Variants in CFAP53 observed in about 807,000 individuals in gnomAD.
CFAP53 encodes the protein cilia- and flagella-associated protein 53.
In CFAP53, 62 loss-of-function variants were observed where a neutral mutation model predicts 59.7. The observed-to-expected ratio is 1.04, with a 90% confidence interval of 0.85 to 1.28. CFAP53 has a LOEUF of 1.28. Among genes scored for constraint, CFAP53 ranks in the 50% most tolerant of loss-of-function variants. The pLI is 0.00. For synonymous variants in CFAP53, 218 were observed against 205.7 expected, an observed-to-expected ratio of 1.06 and a Z score of -0.51; for missense variants, 629 against 615.6, an observed-to-expected ratio of 1.02 and a Z score of -0.23.
At chr18:50,265,273 G>A (rs2033935781) in intron 1 of CFAP53, among the ~76,000 whole-genome samples, 1 of 151,988 alleles carries the variant, frequency 6.6e-6, no homozygotes, top group African/African-American at 2.4e-5. Flanking sequence ...TCATGTAAGG[G>A]GTCACAGTCA....
In CFAP53 at chr18:50,258,639, A is replaced by C. The variant is rs531717014; in HGVS notation, c.473+2425T>G. 4.6e-5 allele frequency among the ~76,000 whole-genome samples: 7 copies of C among 152,360 alleles called. 1 individual carries two copies. The South Asian group carries it at 1.4e-3, about 32-fold the overall frequency. ...AAGTTAAAAAGCTTCTGCACAGCAA[A>C]AGATACAATCAACAAAGTGAAGAGA... On this transcript the variant is annotated intron_variant, in intron 3 of 7. Transcript: ENST00000398545.
At chr18:50,252,110 CTTTT>C (rs11316755) in intron 3 of CFAP53, among the ~76,000 whole-genome samples, 4 of 148,394 alleles carry the variant, frequency 2.7e-5, no homozygotes, top group Non-Finnish European at 4.5e-5. Context: ...TACTTTTTTT[CTTTT>C]TTTTTTTGAG....
intron 5 of CFAP53, among the ~76,000 whole-genome samples, chr18:50,244,079 T>G (rs1017305153): frequency 6.6e-6 from 1 of 152,222 alleles, no homozygotes; most frequent in Non-Finnish European, 1.5e-5. Flanking sequence ...GACCTGCTGT[T>G]TATTTAGCGC....
chr18:50,250,917 C>G lies in CFAP53; in HGVS notation c.837G>C (p.Lys279Asn). 6.2e-7 allele frequency: 1 copy of G among 1,614,172 alleles called. No homozygotes were observed. The highest frequency in any genetic ancestry group is 1.1e-5 in the South Asian group (1 of 91,080). The change falls in exon 5 of 8, where the codon AAG becomes AAC. Residue 279 changes from lysine (K) to asparagine (N), a missense_variant. Coordinates refer to ENST00000398545, the MANE Select transcript of CFAP53 (RefSeq NM_145020.5). ...AAATGGTCCTAGTTTCCTGCTTTGC[C>G]TTCTGTTTCTTTAGCATATCCTGTT... Reference protein sequence around the residue: ...ENEQDMLKKQKAKQETRTILQ... With the variant: ...ENEQDMLKKQNAKQETRTILQ...
intron 5 of CFAP53, among the ~76,000 whole-genome samples, chr18:50,248,456 T>C (rs925813761): frequency 1.3e-5 from 2 of 152,156 alleles, no homozygotes; most frequent in African/African-American, 2.4e-5. Context: ...CTATATGACA[T>C]AGCAATTGCT....
At chr18:50,256,589 T>C (rs907018856) in intron 3 of CFAP53, 2 of 152,174 alleles carry the variant, frequency 1.3e-5, no homozygotes, top group African/African-American at 2.4e-5. Context: ...AATTTACTTT[T>C]AGCAGCTGCA....
chr18:50,251,280 C>T (rs1310867932), intron 4 of CFAP53, among the ~76,000 whole-genome samples: 2 of 152,178 alleles, frequency 1.3e-5, no homozygotes, highest in African/African-American at 2.4e-5. Flanking sequence ...CCTGTGGGTG[C>T]GTTGGCCTTC....
Position 50,227,205 on chromosome 18 carries a change from A to T in CFAP53, c.*176T>A. On this transcript the variant is annotated 3_prime_UTR_variant, in exon 8 of 8. Transcript: ENST00000398545. ...ATTAAGTAGATCATTTGGATTTGTA[A>T]GTCTGTGAACTCCAAAATAGGCACA... 1.7e-6 allele frequency: 1 copy of T among 576,136 alleles called. No individual in the cohort carries two copies. The highest frequency in any genetic ancestry group is 3.1e-6 in the Non-Finnish European group (1 of 327,490). The allele number at this position is 576,136 out of a possible 1,614,324, so 35.7% of individuals were successfully genotyped here. A position where few individuals can be genotyped will look rare whatever the true frequency, so the allele number is the denominator to read the frequency against.
intron 7 of CFAP53, among the ~76,000 whole-genome samples, chr18:50,236,941 T>C (rs1259387675): frequency 1.3e-5 from 2 of 152,006 alleles, no homozygotes; most frequent in African/African-American, 4.8e-5. Flanking sequence ...TCTCCACCAA[T>C]TCAGAAGTTT....
intron 6 of CFAP53, among the ~76,000 whole-genome samples, chr18:50,239,137 C>A (rs2033664599): frequency 6.6e-6 from 1 of 151,026 alleles, no homozygotes; most frequent in Admixed American, 6.6e-5. Flanking sequence ...CCGGTAATCC[C>A]AGCATTTTGG....
chr18:50,253,120 C>T (rs2033816856), intron 3 of CFAP53, among the ~76,000 whole-genome samples: 1 of 152,088 alleles, frequency 6.6e-6, no homozygotes, highest in Admixed American at 6.5e-5. Flanking sequence ...GGGCTCACGC[C>T]ATTCCCCGGC....
At chr18:50,242,512 C>T (rs976223861) in intron 6 of CFAP53, among the ~76,000 whole-genome samples, 14 of 152,276 alleles carry the variant, frequency 9.2e-5, no homozygotes, top group African/African-American at 2.9e-4. Flanking sequence ...TGGCTTCAGC[C>T]GGTCCCTCCA....
At chr18:50,235,452 A>C (rs2033624503) in intron 7 of CFAP53, among the ~76,000 whole-genome samples, 1 of 152,150 alleles carries the variant, frequency 6.6e-6, no homozygotes, top group African/African-American at 2.4e-5. Context: ...CTGTAACCCC[A>C]GCTACTTGGG....
intron 3 of CFAP53, among the ~76,000 whole-genome samples, chr18:50,255,869 C>CA (rs71169498): frequency 0.61 from 89,232 of 145,990 alleles, 27,008 homozygotes; most frequent in Admixed American, 0.69. Flanking sequence ...CAATGGAATA[C>CA]AAAAAAAAAA....
chr18:50,248,572 T>C (rs923307758), intron 5 of CFAP53, among the ~76,000 whole-genome samples: 1 of 151,838 alleles, frequency 6.6e-6, no homozygotes, highest in Non-Finnish European at 1.5e-5. Flanking sequence ...TCACTTGAGG[T>C]TGGGAGTTTG....
chr18:50,252,124 G>A (rs1288958083), intron 3 of CFAP53, among the ~76,000 whole-genome samples: 1 of 150,098 alleles, frequency 6.7e-6, no homozygotes, highest in East Asian at 1.9e-4. Flanking sequence ...TTTTTTTTGA[G>A]ACAGAGTCTC....
intron 2 of CFAP53, among the ~76,000 whole-genome samples, chr18:50,261,504 ACCT>A (rs1947909330): frequency 6.6e-6 from 1 of 151,760 alleles, no homozygotes; most frequent in African/African-American, 2.4e-5. Flanking sequence ...TGATCCTCCC[ACCT>A]CAGCCTCCTT....
chr18:50,241,683 T>C (rs1379634929), intron 6 of CFAP53, among the ~76,000 whole-genome samples: 1 of 152,072 alleles, frequency 6.6e-6, no homozygotes, highest in Non-Finnish European at 1.5e-5. Flanking sequence ...AAGTTTTTTT[T>C]TAGGGATTTT....
intron 5 of CFAP53, 101 bp downstream of exon 5, chr18:50,250,657 C>T: frequency 1.1e-6 from 1 of 875,516 alleles, no homozygotes; most frequent in Non-Finnish European, 1.8e-6. Context: ...GGACCACACT[C>T]AGAGTAGCAC....
Sources: allele counts gnomAD v4.1 joint callset (sites outside exome capture counted in the v4.1 genomes callset), GRCh38; gene constraint gnomAD v4.1.1; transcripts MANE v1.5; gene names NCBI Gene and HGNC (gene_info 2026-07-23, HGNC 2026-07-21).